The following PPP2R2B variants were observed in gnomAD, a reference collection of about 807,000 sequenced individuals.
PPP2R2B encodes protein phosphatase 2 regulatory subunit Bbeta.
PPP2R2B carries 5 observed loss-of-function variants against 46.0 expected under a neutral mutation model. That is an observed-to-expected ratio of 0.11 (90% CI 0.06 to 0.23). PPP2R2B has a LOEUF of 0.23. Among genes scored for constraint, PPP2R2B ranks in the 10% least tolerant of loss-of-function variants. The pLI is 1.00. For missense variants in PPP2R2B, 367 were observed against 575.0 expected, an observed-to-expected ratio of 0.64 and a Z score of 3.70; for synonymous variants, 215 against 206.7, an observed-to-expected ratio of 1.04 and a Z score of -0.34.
At chr5:146,842,534 T>A (rs1240221054) in intron 2 of PPP2R2B, among the ~76,000 whole-genome samples, 1 of 151,568 alleles carries the variant, frequency 6.6e-6, no homozygotes, top group African/African-American at 2.4e-5. Context: ...ATGTGCAAGT[T>A]TTTTACATAG....
intron 1 of PPP2R2B, among the ~76,000 whole-genome samples, chr5:146,964,845 G>A (rs1320925520): frequency 6.6e-6 from 1 of 152,068 alleles, no homozygotes. Flanking sequence ...ATATTTTTAA[G>A]GGAGTTGACA....
At chr5:146,871,989 C>T (rs1347448676) in intron 2 of PPP2R2B, among the ~76,000 whole-genome samples, 3 of 152,130 alleles carry the variant, frequency 2.0e-5, no homozygotes, top group Non-Finnish European at 4.4e-5. Context: ...ACTCGCGATA[C>T]CTTAGTTTCT....
At chr5:146,886,064 C>T (rs1013727118) in intron 1 of PPP2R2B, among the ~76,000 whole-genome samples, 24 of 152,186 alleles carry the variant, frequency 1.6e-4, no homozygotes, top group African/African-American at 4.6e-4. Flanking sequence ...GGCGGCCGGG[C>T]GCGGTGGCTC....
At chr5:146,663,976 G>A (rs1398847036) in intron 5 of PPP2R2B, among the ~76,000 whole-genome samples, 2 of 152,076 alleles carry the variant, frequency 1.3e-5, no homozygotes, top group Non-Finnish European at 2.9e-5. Context: ...CGAGCAGCTG[G>A]GATTACAGGC....
intron 2 of PPP2R2B, among the ~76,000 whole-genome samples, chr5:146,711,335 T>A (rs943090539): frequency 9.2e-5 from 14 of 152,144 alleles, no homozygotes; most frequent in African/African-American, 3.4e-4. Context: ...TGGACCAACA[T>A]ATAGAGAATG....
chr5:146,917,047 T>A (rs949857915), intron 1 of PPP2R2B, among the ~76,000 whole-genome samples: 3 of 152,136 alleles, frequency 2.0e-5, no homozygotes, highest in Non-Finnish European at 2.9e-5. Flanking sequence ...TAAGTGAAGG[T>A]TATAGCAATT....
At chr5:147,022,404 A>G (rs6891607) in intron 1 of PPP2R2B, among the ~76,000 whole-genome samples, 5,903 of 151,902 alleles carry the variant, frequency 0.039, 369 homozygotes, top group African/African-American at 0.14. Flanking sequence ...TAAAATAAAA[A>G]AAAAAAAATT....
chr5:147,017,107 G>A (rs1755043049), intron 1 of PPP2R2B, among the ~76,000 whole-genome samples: 1 of 151,490 alleles, frequency 6.6e-6, no homozygotes, highest in Non-Finnish European at 1.5e-5. Context: ...TGCACATCAG[G>A]GCTATTGAAA....
At chr5:146,808,676 T>C (rs1287360209) in intron 2 of PPP2R2B, among the ~76,000 whole-genome samples, 2 of 150,642 alleles carry the variant, frequency 1.3e-5, no homozygotes, top group East Asian at 3.9e-4. Context: ...TGGTTCACTG[T>C]GACAACTCCT....
intron 1 of PPP2R2B, chr5:147,040,948 T>C (rs1001160628): frequency 2.7e-6 from 1 of 363,660 alleles, no homozygotes; most frequent in Non-Finnish European, 5.3e-6. Flanking sequence ...CGATTCTTTA[T>C]AGTGTATCCT....
At chr5:146,743,704 A>G (rs897670363) in intron 2 of PPP2R2B, among the ~76,000 whole-genome samples, 7 of 152,190 alleles carry the variant, frequency 4.6e-5, no homozygotes, top group South Asian at 2.1e-4. Flanking sequence ...ATTTTCCCCA[A>G]GCTTCCTTTG....
At chr5:146,916,134 G>A (rs1196573470) in intron 1 of PPP2R2B, among the ~76,000 whole-genome samples, 1 of 152,012 alleles carries the variant, frequency 6.6e-6, no homozygotes, top group African/African-American at 2.4e-5. Context: ...CTGACCCACG[G>A]TTTGTACTTA....
chr5:146,812,929 C>T (rs1166300848), intron 2 of PPP2R2B, among the ~76,000 whole-genome samples: 3 of 145,856 alleles, frequency 2.1e-5, no homozygotes, highest in African/African-American at 7.6e-5. Flanking sequence ...AGTTATATCC[C>T]GCTGGGTCCC....
intron 7 of PPP2R2B, among the ~76,000 whole-genome samples, chr5:146,604,241 T>G (rs550725624): frequency 6.6e-6 from 1 of 152,308 alleles, no homozygotes; most frequent in Non-Finnish European, 1.5e-5. Context: ...GGAAGGTAAA[T>G]GGAACACCAG....
chr5:146,735,261 A>T (rs1336879698), intron 2 of PPP2R2B, among the ~76,000 whole-genome samples: 2 of 152,178 alleles, frequency 1.3e-5, no homozygotes, highest in African/African-American at 2.4e-5. Flanking sequence ...TGAGTTGTCA[A>T]ATCCAGTTTA....
At chr5:146,707,708 G>A (rs1779950791) in intron 2 of PPP2R2B, 2 of 479,894 alleles carry the variant, frequency 4.2e-6, no homozygotes, top group East Asian at 3.4e-5. Flanking sequence ...AAAGCAATAT[G>A]TACACTTACA....
intron 2 of PPP2R2B, among the ~76,000 whole-genome samples, chr5:146,791,180 T>C (rs1317773078): frequency 6.6e-6 from 1 of 152,140 alleles, no homozygotes; most frequent in Admixed American, 6.5e-5. Context: ...GCGGGTCTTT[T>C]TGAAAAGTGG....
chr5:146,683,891 C>T (rs1017649022), intron 5 of PPP2R2B, among the ~76,000 whole-genome samples: 7 of 152,214 alleles, frequency 4.6e-5, no homozygotes, highest in Non-Finnish European at 8.8e-5. Context: ...GTGCATCCCA[C>T]TGAGTTACAC....
intron 7 of PPP2R2B, among the ~76,000 whole-genome samples, chr5:146,603,996 A>G (rs1322431710): frequency 6.6e-6 from 1 of 152,196 alleles, no homozygotes; most frequent in African/African-American, 2.4e-5. Flanking sequence ...CATGCACAAT[A>G]TAGTATATTA....
Sources: allele counts gnomAD v4.1 joint callset (sites outside exome capture counted in the v4.1 genomes callset), GRCh38; gene constraint gnomAD v4.1.1; transcripts MANE v1.5; gene names NCBI Gene and HGNC (gene_info 2026-07-23, HGNC 2026-07-21).